The following ANO10 variants were observed in gnomAD, a reference collection of about 807,000 sequenced individuals.
The protein encoded by ANO10 is anoctamin 10.
Under a neutral mutation model 74.7 loss-of-function variants are expected in ANO10, and 77 were observed. The ratio of observed to expected loss-of-function variants is 1.03; its 90% CI spans 0.86 to 1.25. The LOEUF (loss-of-function observed/expected upper bound fraction) is 1.25, where lower values mean the gene tolerates loss of function less well. Among genes scored for constraint, ANO10 ranks in the 50% most tolerant of loss-of-function variants. The probability of loss-of-function intolerance (pLI) is 0.00; values close to 1 mark genes in which losing one functional copy is unlikely to be tolerated. For synonymous variants in ANO10, 279 were observed against 284.9 expected (o/e 0.98, Z 0.21); for missense variants, 721 against 778.1 (o/e 0.93, Z 0.87).
At chr3:43,654,185 G>A (rs1329366736) in intron 1 of ANO10, among the ~76,000 whole-genome samples, 3 of 152,042 alleles carry the variant, frequency 2.0e-5, no homozygotes. Context: ...TCTGGAATTT[G>A]CCAACACAGG....
At chr3:43,651,237 G>C (rs1213965227) in intron 1 of ANO10, among the ~76,000 whole-genome samples, 1 of 149,672 alleles carries the variant, frequency 6.7e-6, no homozygotes, top group African/African-American at 2.5e-5. Context: ...AATATCTACT[G>C]TGTGTCCTAC....
chr3:43,632,252 C>T (rs1284298010), intron 1 of ANO10, among the ~76,000 whole-genome samples: 1 of 152,194 alleles, frequency 6.6e-6, no homozygotes, highest in Non-Finnish European at 1.5e-5. Flanking sequence ...GGAGGCTGGC[C>T]TCTATGGATG....
chr3:43,418,711 C>T (rs945428409), intron 12 of ANO10, among the ~76,000 whole-genome samples: 3 of 152,136 alleles, frequency 2.0e-5, no homozygotes, highest in African/African-American at 2.4e-5. Context: ...ACTTCCTGTG[C>T]GTCAGGAATT....
chr3:43,578,472 G>A (rs372986353), intron 5 of ANO10, among the ~76,000 whole-genome samples: 3 of 152,168 alleles, frequency 2.0e-5, no homozygotes, highest in Non-Finnish European at 2.9e-5. Context: ...AACAGAGGCC[G>A]GGAGCAGTGG....
At chr3:43,646,531 T>G (rs777717170) in intron 1 of ANO10, among the ~76,000 whole-genome samples, 4 of 152,290 alleles carry the variant, frequency 2.6e-5, no homozygotes, top group Non-Finnish European at 4.4e-5. Context: ...TAGTCTCTAC[T>G]TTTTGTTTGT....
intron 11 of ANO10, chr3:43,484,891 G>T: frequency 1.6e-6 from 1 of 638,594 alleles, no homozygotes; most frequent in South Asian, 1.9e-5. Flanking sequence ...AATTGTCTAA[G>T]CATTTACAGT....
At chr3:43,372,032 A>C (rs555992932) in intron 12 of ANO10, among the ~76,000 whole-genome samples, 10 of 152,298 alleles carry the variant, frequency 6.6e-5, no homozygotes, top group Admixed American at 4.6e-4. Context: ...GCGGTCCTGG[A>C]GGGAGTTACA....
At chr3:43,691,109 C>T in intron 1 of ANO10, 1 of 1,427,806 alleles carries the variant, frequency 7.0e-7, no homozygotes, top group Non-Finnish European at 9.2e-7. Flanking sequence ...GGTTAGGGCC[C>T]AGCGGGCAGC....
upstream of ANO10, among the ~76,000 whole-genome samples, chr3:43,622,343 G>C (rs2083437830): frequency 1.3e-5 from 2 of 152,224 alleles, no homozygotes; most frequent in South Asian, 2.1e-4. Context: ...GGCCGAGAAG[G>C]CAGAGGCCTG....
chr3:43,466,392 C>CAAAAA (rs751455876), intron 11 of ANO10, among the ~76,000 whole-genome samples: 2,512 of 124,794 alleles, frequency 0.02, 63 homozygotes, highest in African/African-American at 0.043. Context: ...AAAAAACAAA[C>CAAAAA]AAAAAAACCA....
At chr3:43,461,250 C>T (rs930651686) in intron 11 of ANO10, among the ~76,000 whole-genome samples, 1 of 151,938 alleles carries the variant, frequency 6.6e-6, no homozygotes, top group Admixed American at 6.5e-5. Flanking sequence ...AACTTTATAC[C>T]TGTAAGTTAA....
chr3:43,514,632 T>C (rs150675187), intron 11 of ANO10, among the ~76,000 whole-genome samples: 27 of 152,300 alleles, frequency 1.8e-4, no homozygotes, highest in Admixed American at 7.2e-4. Flanking sequence ...CTTGACCTAA[T>C]TGTCATTTAT....
rs376680269 is a variant in ANO10 at position 43,370,458 on chromosome 3, C to G, written c.1915-3484G>C. 6.7e-5 allele frequency among the ~76,000 whole-genome samples: 10 copies of G among 149,498 alleles called. No individual in the cohort carries two copies. The East Asian group carries it at 1.6e-3, about 24-fold the overall frequency. On this transcript the variant is annotated intron_variant, in intron 12 of 12. Transcript: ENST00000292246. ...GATTTCTCCCAGGCCATACTGCAGG[C>G]TCTGGCTGCGTGGGCTGGGACGGTG... is the stretch of plus-strand genomic sequence containing the variant.
At chr3:43,656,527 T>C (rs2083854939) in intron 1 of ANO10, among the ~76,000 whole-genome samples, 1 of 151,122 alleles carries the variant, frequency 6.6e-6, no homozygotes, top group Admixed American at 6.6e-5. Flanking sequence ...ATGGAGGGGG[T>C]GGGAGGCTCA....
chr3:43,607,655 G>T (rs2082627340), intron 1 of ANO10, among the ~76,000 whole-genome samples: 1 of 152,078 alleles, frequency 6.6e-6, no homozygotes, highest in Admixed American at 6.5e-5. Context: ...TCAATCAGGA[G>T]AAAAGTTACT....
intron 11 of ANO10, among the ~76,000 whole-genome samples, chr3:43,511,196 A>G (rs1213342386): frequency 6.6e-6 from 1 of 152,202 alleles, no homozygotes; most frequent in Non-Finnish European, 1.5e-5. Context: ...AATAAAAAGT[A>G]TTATTATATT....
In ANO10 at chr3:43,428,338, C is replaced by T. The variant is rs192333568; in HGVS notation, c.1914+4273G>A. ...GTGCTGGGATTACAGGCGTGAACCA[C>T]CACACCCAGCCAACCCTGAACCTTT... On this transcript the variant is annotated intron_variant, in intron 12 of 12. Transcript: ENST00000292246. Among the ~76,000 whole-genome samples, 6 of 152,182 alleles carry T rather than the reference C, an allele frequency of 3.9e-5. No homozygotes were observed. The East Asian group carries it at 1.2e-3, about 29-fold the overall frequency.
At chr3:43,504,465 C>T (rs148501676) in intron 11 of ANO10, among the ~76,000 whole-genome samples, 12 of 151,964 alleles carry the variant, frequency 7.9e-5, no homozygotes, top group Admixed American at 7.2e-4. Flanking sequence ...ATAACAATTA[C>T]GAAACAGATG....
At chr3:43,452,181 A>G (rs1251037462) in intron 11 of ANO10, among the ~76,000 whole-genome samples, 1 of 152,332 alleles carries the variant, frequency 6.6e-6, no homozygotes, top group Non-Finnish European at 1.5e-5. Flanking sequence ...AAAACCAACA[A>G]CACTTTATTG....
Sources: gnomAD v4.1 joint callset for allele counts (sites outside exome capture counted in the v4.1 genomes callset) on GRCh38, gnomAD v4.1.1 for gene constraint, MANE v1.5 for transcripts, NCBI Gene and HGNC (gene_info 2026-07-23, HGNC 2026-07-21) for gene names.